Variants in EPHA8 observed in about 807,000 individuals in gnomAD.
EPHA8 encodes EPH receptor A8.
In EPHA8, 58 loss-of-function variants were observed where a neutral mutation model predicts 103.6. The ratio of observed to expected loss-of-function variants is 0.56; its 90% CI spans 0.45 to 0.70. EPHA8 has a LOEUF of 0.70. EPHA8 is among the 30% of genes least tolerant of loss of function. The pLI is 0.00. For missense variants in EPHA8, 1,304 were observed against 1,395.2 expected, an observed-to-expected ratio of 0.93 and a Z score of 1.04; for synonymous variants, 559 against 572.5, an observed-to-expected ratio of 0.98 and a Z score of 0.34.
At chr1:22,583,355 T>G (rs1367801657) in intron 3 of EPHA8, among the ~76,000 whole-genome samples, 2 of 152,242 alleles carry the variant, frequency 1.3e-5, no homozygotes, top group Non-Finnish European at 2.9e-5. Flanking sequence ...CTTGACACAT[T>G]ATAGCCATAT....
Position 22,598,246 on chromosome 1 carries a change from T to G in EPHA8, c.2178+34T>G. The G allele has an allele frequency of 6.2e-7, 1 of 1,603,568 alleles. No homozygotes were observed. The highest frequency in any genetic ancestry group is 8.5e-7 in the Non-Finnish European group (1 of 1,173,758). The stretch of plus-strand genomic sequence containing the variant: ...CCCACCCCTGCCTCTTGCATGGGCT[T>G]GGGGAGGGAGGTCCAGTCTGGGTGC... On this transcript the variant is annotated intron_variant, in intron 12 of 16. Coordinates refer to ENST00000166244, the MANE Select transcript of EPHA8 (RefSeq NM_020526.5). This position sits in a 1 kb window ranked among gnomAD's most constrained non-coding sequence, Gnocchi z 5.1.
chr1:22,571,419 C>T (rs1376056435), intron 2 of EPHA8, among the ~76,000 whole-genome samples: 1 of 152,176 alleles, frequency 6.6e-6, no homozygotes, highest in Non-Finnish European at 1.5e-5. Context: ...CAAGCAGGTT[C>T]CAGCTGATGG....
At chr1:22,571,574 G>A (rs779843902) in intron 2 of EPHA8, among the ~76,000 whole-genome samples, 7 of 152,158 alleles carry the variant, frequency 4.6e-5, no homozygotes, top group Non-Finnish European at 1.0e-4. Flanking sequence ...GCTGAGGCAG[G>A]GACCACCTGC....
intron 3 of EPHA8, among the ~76,000 whole-genome samples, chr1:22,578,966 T>C (rs201073981): frequency 6.9e-6 from 1 of 145,434 alleles, no homozygotes; most frequent in East Asian, 2.4e-4. Flanking sequence ...TCCATGTGTA[T>C]GTTCATGTGT....
rs1453171448 is a variant in EPHA8 at position 22,576,616 on chromosome 1, G to A, written c.559G>A (p.Asp187Asn). The change falls in exon 3 of 17, where the codon GAC (aspartate) becomes AAC (asparagine). Residue 187 changes from aspartate to asparagine, a missense_variant. By Grantham distance (23) the Asp-to-Asn change is conservative. Coordinates refer to ENST00000166244, the MANE Select transcript of EPHA8 (RefSeq NM_020526.5). The surrounding 1 kb of genome is among the most constrained non-coding windows in gnomAD (Gnocchi z 4.8). ...SKRGFYLAFQ[D>N]IGACLAILSL... ...GCGCGGCTTCTACCTGGCCTTCCAG[G>A]ACATAGGTGCCTGCCTGGCCATCCT... 2 of 1,613,916 alleles carry A rather than the reference G, an allele frequency of 1.2e-6. No homozygotes were observed. The highest frequency in any genetic ancestry group is 1.7e-6 in the Non-Finnish European group (2 of 1,180,026).
chr1:22,597,600 C>T lies in EPHA8; in HGVS notation c.1931-76C>T, dbSNP rs754139784. On this transcript the variant is annotated intron_variant, in intron 10 of 16. Coordinates refer to ENST00000166244, the MANE Select transcript of EPHA8 (RefSeq NM_020526.5). This position sits in a 1 kb window ranked among gnomAD's most constrained non-coding sequence, Gnocchi z 4.6. ...AGGGGTCTGGCAAGCCCAGGGGGTC[C>T]AAGGGCCTGGGAGGCTGGGGGAGTC... 224 of 1,549,272 alleles carry T rather than the reference C, an allele frequency of 1.4e-4. No individual in the cohort carries two copies. Among genetic ancestry groups the T allele is most frequent in the Non-Finnish European group, 1.9e-4 (218 of 1,145,934 alleles).
intron 4 of EPHA8, among the ~76,000 whole-genome samples, chr1:22,587,888 C>T (rs186701827): frequency 3.0e-4 from 46 of 152,274 alleles, no homozygotes; most frequent in Admixed American, 2.8e-3. Flanking sequence ...GCATTTTCCA[C>T]ATGTGGGACC....
At chr1:22,587,891 G>A (rs768315986) in intron 4 of EPHA8, among the ~76,000 whole-genome samples, 37 of 152,116 alleles carry the variant, frequency 2.4e-4, no homozygotes, top group Non-Finnish European at 4.1e-4. Flanking sequence ...TTTTCCACAT[G>A]TGGGACCTGT....
Position 22,593,683 on chromosome 1 carries a change from C to G in EPHA8, c.1600C>G (p.Pro534Ala). The G allele has an allele frequency of 1.9e-6, 3 of 1,592,512 alleles. No individual in the cohort carries two copies. The highest frequency in any genetic ancestry group is 2.6e-6 in the Non-Finnish European group (3 of 1,169,522). Residue 534 changes from proline to alanine, a missense_variant, in exon 7 of 17, where the codon CCC (proline) becomes GCC (alanine). By Grantham distance (27) the Pro-to-Ala change is conservative. Transcript: ENST00000166244. The stretch of plus-strand genomic sequence containing the variant: ...GGCCATGGAGGTGGAGACCGGGAAA[C>G]CCCGTGAGTGCAGGGAGGGGGCGTG... ...SQAMEVETGKPRPRYDTRTIV... is the reference protein window; with the variant it reads ...SQAMEVETGKARPRYDTRTIV...
At position 22,600,558 on chromosome 1, in the gene EPHA8, G is replaced by C; in HGVS notation, c.2389-103G>C. On this transcript the variant is annotated intron_variant, in intron 13 of 16. Coordinates refer to ENST00000166244, the MANE Select transcript of EPHA8 (RefSeq NM_020526.5). Reference sequence around the variant, plus strand: ...CGGTGGGGGCTGTGTTGTCCCTCTGGACTGGAAAACAGGACCCCAGTGTTT... The same window carrying C: ...CGGTGGGGGCTGTGTTGTCCCTCTGCACTGGAAAACAGGACCCCAGTGTTT... The C allele has an allele frequency of 2.0e-6, 3 of 1,478,532 alleles. No individual in the cohort carries two copies. The South Asian group carries it at 3.8e-5, about 19-fold the overall frequency. 91.6% of individuals were successfully genotyped at this position (1,478,532 alleles called of 1,614,324 possible). A position where few individuals can be genotyped will look rare whatever the true frequency, so the allele number is the denominator to read the frequency against.
chr1:22,589,727 T>G lies in EPHA8; in HGVS notation c.1315+521T>G. On this transcript the variant is annotated intron_variant, in intron 5 of 16. Coordinates refer to ENST00000166244, the MANE Select transcript of EPHA8 (RefSeq NM_020526.5). This position sits in a 1 kb window ranked among gnomAD's most constrained non-coding sequence, Gnocchi z 4.3. ...AGTTTATCTATCAGTTTCTGGCCAG[T>G]TGGTGGGCTGAATTCACCCCCGGAA... 9.9e-7 allele frequency: 1 copy of G among 1,010,180 alleles called. No homozygotes were observed. The highest frequency in any genetic ancestry group is 1.2e-6 in the Non-Finnish European group (1 of 844,020). The allele number at this position is 1,010,180 out of a possible 1,614,324, so 62.6% of individuals were successfully genotyped here.
intron 13 of EPHA8, among the ~76,000 whole-genome samples, chr1:22,599,729 A>AAGGG (rs1557583406): frequency 0.033 from 36 of 1,106 alleles, no homozygotes; most frequent in African/African-American, 0.088. Flanking sequence ...GGAGGGAGGG[A>AAGGG]AGGAAGGAGG....
Position 22,565,972 on chromosome 1 carries a change from G to A in EPHA8, c.94+2243G>A, listed in dbSNP as rs567085449. Reference sequence around the variant, plus strand: ...GAGTCCTCCCCAGCACTGTCCCTGGGCTGGTCTAGAGCAACCAGAGCCAGC... The same window carrying A: ...GAGTCCTCCCCAGCACTGTCCCTGGACTGGTCTAGAGCAACCAGAGCCAGC... On this transcript the variant is annotated intron_variant, in intron 1 of 16. Coordinates refer to ENST00000166244, the MANE Select transcript of EPHA8 (RefSeq NM_020526.5). Among the ~76,000 whole-genome samples, 4 of 152,310 alleles carry A rather than the reference G, an allele frequency of 2.6e-5. No homozygotes were observed. In the South Asian group the frequency reaches 8.3e-4, roughly 32 times the overall value.
intron 8 of EPHA8, among the ~76,000 whole-genome samples, chr1:22,595,671 T>C (rs1216568400): frequency 6.6e-6 from 1 of 152,166 alleles, no homozygotes; most frequent in South Asian, 2.1e-4. Flanking sequence ...GGATAGTGTG[T>C]GGGCTTGGGA....
intron 9 of EPHA8, among the ~76,000 whole-genome samples, chr1:22,596,553 G>A (rs1047512487): frequency 5.9e-5 from 9 of 152,344 alleles, no homozygotes; most frequent in African/African-American, 1.7e-4. Flanking sequence ...TCCTGTGCCC[G>A]TGGCAGACAG....
Position 22,589,267 on chromosome 1 carries a change from C to T in EPHA8, c.1315+61C>T, listed in dbSNP as rs752807373. The T allele has an allele frequency of 1.2e-6, 2 of 1,614,068 alleles. No homozygotes were observed. The highest frequency in any genetic ancestry group is 1.7e-6 in the Non-Finnish European group (2 of 1,180,032). Reference sequence around the variant, plus strand: ...CCCCCAGCTTCCCCTGCCTCAGACCCATCCAGGGATCAGAGCTCTGCCGGG... The same window carrying T: ...CCCCCAGCTTCCCCTGCCTCAGACCTATCCAGGGATCAGAGCTCTGCCGGG... On this transcript the variant is annotated intron_variant, in intron 5 of 16. Transcript: ENST00000166244. The surrounding 1 kb of genome is among the most constrained non-coding windows in gnomAD (Gnocchi z 4.3).
At position 22,597,758 on chromosome 1, in the gene EPHA8, C is replaced by T. The variant is rs763940729; in HGVS notation, c.2013C>T (p.Ala671=). The T allele has an allele frequency of 1.9e-5, 31 of 1,613,076 alleles. No homozygotes were observed. Among genetic ancestry groups the T allele is most frequent in the African/African-American group, 1.3e-4 (10 of 74,928 alleles). ...DVPVAIKALK[A]GYTERQRRDF... ...CCGTGGCCATCAAGGCCCTCAAAGC[C>T]GGCTACACGGAGAGACAGAGGCGGG... The change falls in exon 11 of 17, where the codon GCC becomes GCT. Residue 671 remains alanine (A), a synonymous_variant. Coordinates refer to ENST00000166244, the MANE Select transcript of EPHA8 (RefSeq NM_020526.5). The surrounding 1 kb of genome is among the most constrained non-coding windows in gnomAD (Gnocchi z 4.6).
At chr1:22,585,973 C>T (rs527913112) in intron 3 of EPHA8, among the ~76,000 whole-genome samples, 18 of 152,260 alleles carry the variant, frequency 1.2e-4, no homozygotes, top group Middle Eastern at 3.4e-3. Context: ...GTGTCCCCCC[C>T]CTTTCTAGTC....
chr1:22,580,127 C>CTTTTTTTT (rs764600240), intron 3 of EPHA8, among the ~76,000 whole-genome samples: 1 of 97,426 alleles, frequency 1.0e-5, no homozygotes, highest in African/African-American at 4.4e-5. Flanking sequence ...CTTTCTTTCT[C>CTTTTTTTT]TTTTTTTTTT....
Sources: allele counts gnomAD v4.1 joint callset (sites outside exome capture counted in the v4.1 genomes callset), GRCh38; gene constraint gnomAD v4.1.1; non-coding constraint Gnocchi (gnomAD v3.1); transcripts MANE v1.5; gene names NCBI Gene and HGNC (gene_info 2026-07-23, HGNC 2026-07-21).